Variants in CD300LD observed in about 807,000 individuals in gnomAD.
CD300LD encodes the protein CMRF35-like molecule 5.
Under a neutral mutation model 20.3 loss-of-function variants are expected in CD300LD, and 18 were observed. The observed-to-expected ratio is 0.89, with a 90% CI of 0.61 to 1.32. The LOEUF (loss-of-function observed/expected upper bound fraction) is 1.32. Among genes scored for constraint, CD300LD ranks in the 40% most tolerant of loss-of-function variants. The probability of loss-of-function intolerance (pLI) is 0.00; values close to 1 mark genes in which losing one functional copy is unlikely to be tolerated. For synonymous variants in CD300LD, 104 were observed against 90.1 expected, an observed-to-expected ratio of 1.15 and a Z score of -0.87; for missense variants, 195 against 226.6, an observed-to-expected ratio of 0.86 and a Z score of 0.90.
intron 2 of CD300LD, among the ~76,000 whole-genome samples, chr17:74,587,378 C>T (rs541768213): frequency 6.6e-6 from 1 of 152,174 alleles, no homozygotes; most frequent in Non-Finnish European, 1.5e-5. Context: ...GTTTACGACA[C>T]ATATTCCCTT....
At chr17:74,585,326 C>A (rs1356888616) in intron 2 of CD300LD, among the ~76,000 whole-genome samples, 1 of 152,078 alleles carries the variant, frequency 6.6e-6, no homozygotes. Context: ...TTATCTTCTT[C>A]TTATTCTGCT....
chr17:74,585,446 T>G (rs2030135116), intron 2 of CD300LD, among the ~76,000 whole-genome samples: 1 of 152,188 alleles, frequency 6.6e-6, no homozygotes, highest in Admixed American at 6.5e-5. Flanking sequence ...AACTGGCCTG[T>G]GTCACCCCCT....
At chr17:74,587,744 G>A (rs1405620841) in intron 2 of CD300LD, among the ~76,000 whole-genome samples, 1 of 152,116 alleles carries the variant, frequency 6.6e-6, no homozygotes, top group African/African-American at 2.4e-5. Flanking sequence ...GGCAGGGATT[G>A]GGGTCTCTGG....
chr17:74,583,941 A>G lies in CD300LD; in HGVS notation c.380-1630T>C, dbSNP rs552433973. 1.4e-4 allele frequency among the ~76,000 whole-genome samples: 21 copies of G among 151,626 alleles called. No individual in the cohort carries two copies. The South Asian group carries it at 2.3e-3, about 17-fold the overall frequency. On this transcript the variant is annotated intron_variant, in intron 2 of 3. Coordinates refer to ENST00000375352, the MANE Select transcript of CD300LD (RefSeq NM_001115152.2). ...TAATTTTTTTTTATTTTTAGTAGAGATGGGGTTTTGTCATGTTGGCTAGGC... is the reference window on the plus strand; with the variant it reads ...TAATTTTTTTTTATTTTTAGTAGAGGTGGGGTTTTGTCATGTTGGCTAGGC...
Position 74,588,707 on chromosome 17 carries a change from A to G in CD300LD, c.183T>C (p.Cys61=). ...WRCQGADWNY[C]NILVKTNGSE... is the part of the protein sequence containing the mutation. ...ATCCATTTGTTTTAACAAGGATGTT[A>G]CAGTAATTCCAATCAGCTCCTTGAC... The change falls in exon 2 of 4, where the codon TGT becomes TGC. Residue 61 remains cysteine, a synonymous_variant. Coordinates refer to ENST00000375352, the MANE Select transcript of CD300LD (RefSeq NM_001115152.2). The G allele has an allele frequency of 6.2e-7, 1 of 1,614,196 alleles. No individual in the cohort carries two copies. The highest frequency in any genetic ancestry group is 8.5e-7 in the Non-Finnish European group (1 of 1,180,026).
chr17:74,584,975 G>C (rs7212069), intron 2 of CD300LD: 35,307 of 152,094 alleles, frequency 0.23, 5,251 homozygotes, highest in African/African-American at 0.43. Context: ...CCCTAAAGAG[G>C]TACTGGGATA....
At chr17:74,585,626 C>A (rs1186018271) in intron 2 of CD300LD, among the ~76,000 whole-genome samples, 1 of 152,174 alleles carries the variant, frequency 6.6e-6, no homozygotes, top group Non-Finnish European at 1.5e-5. Context: ...CATGAACACA[C>A]CCCACTACAG....
At chr17:74,588,361 A>G (rs2030217836) in intron 2 of CD300LD, 150 bp downstream of exon 2, 10 of 567,888 alleles carry the variant, frequency 1.8e-5, no homozygotes, top group Non-Finnish European at 3.1e-5. Context: ...TTTTGGAGGG[A>G]CAAATATTCA....
chr17:74,588,547 C>A lies in CD300LD; in HGVS notation c.343G>T (p.Asp115Tyr). The A allele has an allele frequency of 6.2e-7, 1 of 1,613,430 alleles. No individual in the cohort carries two copies. The highest frequency in any genetic ancestry group is 8.5e-7 in the Non-Finnish European group (1 of 1,179,600). The change falls in exon 2 of 4, where the codon GAT becomes TAT. Residue 115 changes from aspartate to tyrosine, a missense_variant. By Grantham distance (160) the Asp-to-Tyr change is radical. Transcript: ENST00000375352. ...GTCACTTGAACTTTGACCCCAAGAT[C>A]AATTCCAGGTCTCTCAGTCCCACAC... Reference protein sequence around the residue: ...YWCGTERPGIDLGVKVQVTIN... With the variant: ...YWCGTERPGIYLGVKVQVTIN...
intron 2 of CD300LD, 25 bp downstream of exon 2, chr17:74,588,486 C>A: frequency 6.7e-7 from 1 of 1,489,212 alleles, no homozygotes; most frequent in South Asian, 1.2e-5. Flanking sequence ...CTGAGAGACA[C>A]ACACGTATAT....
intron 3 of CD300LD, among the ~76,000 whole-genome samples, chr17:74,581,893 G>T (rs962599353): frequency 3.3e-5 from 5 of 152,206 alleles, no homozygotes; most frequent in African/African-American, 1.2e-4. Context: ...GAGGTTTGCA[G>T]TGACTTTACT....
chr17:74,592,032 T>C (rs1030768801), intron 1 of CD300LD, 131 bp downstream of exon 1: 1 of 1,580,458 alleles, frequency 6.3e-7, no homozygotes, highest in Non-Finnish European at 8.6e-7. Context: ...TGCTATTTAA[T>C]GAATATGGGC....
intron 1 of CD300LD, among the ~76,000 whole-genome samples, chr17:74,591,262 A>AATAATAATAAT (rs1555650248): frequency 1.1e-4 from 13 of 114,088 alleles, no homozygotes; most frequent in South Asian, 4.8e-4. Flanking sequence ...AAAAAAAAAA[A>AATAATAATAAT]AATAAAAATA....
chr17:74,588,426 G>T, intron 2 of CD300LD, 85 bp downstream of exon 2: 1 of 836,066 alleles, frequency 1.2e-6, no homozygotes, highest in Non-Finnish European at 2.0e-6. Flanking sequence ...CACTCTGAGT[G>T]ACAGTTAATT....
intron 2 of CD300LD, among the ~76,000 whole-genome samples, chr17:74,583,522 C>A (rs1395755419): frequency 6.6e-6 from 1 of 152,118 alleles, no homozygotes; most frequent in East Asian, 1.9e-4. Flanking sequence ...GTTGTTTACG[C>A]CACCCAGTCT....
chr17:74,581,741 G>A (rs1052801038), intron 3 of CD300LD, among the ~76,000 whole-genome samples: 1 of 152,214 alleles, frequency 6.6e-6, no homozygotes, highest in African/African-American at 2.4e-5. Context: ...AGGTGGGGAG[G>A]GCATGTTCAG....
chr17:74,584,567 G>A lies in CD300LD; in HGVS notation c.380-2256C>T, dbSNP rs573438402. ...TCTATAGGAACATCTGAAGCCTGTT[G>A]TACAAAGAAAGCTATTGTGTGTACC... On this transcript the variant is annotated intron_variant, in intron 2 of 3. Coordinates refer to ENST00000375352, the MANE Select transcript of CD300LD (RefSeq NM_001115152.2). The A allele has an allele frequency of 3.3e-5, 5 of 152,258 alleles. No homozygotes were observed. The South Asian group carries it at 8.3e-4, about 25-fold the overall frequency. 9.4% of individuals were successfully genotyped at this position (152,258 alleles called of 1,614,324 possible). A position where few individuals can be genotyped will look rare whatever the true frequency, so the allele number is the denominator to read the frequency against.
intron 1 of CD300LD, among the ~76,000 whole-genome samples, chr17:74,591,280 T>TAAC (rs1568024880): frequency 6.8e-6 from 1 of 147,282 alleles, no homozygotes; most frequent in African/African-American, 2.5e-5. Flanking sequence ...ATAATAATAA[T>TAAC]AATAATAATA....
chr17:74,588,485 A>T (rs2030221153), intron 2 of CD300LD, 26 bp downstream of exon 2: 2 of 1,477,290 alleles, frequency 1.4e-6, no homozygotes, highest in South Asian at 2.4e-5. Flanking sequence ...CCTGAGAGAC[A>T]CACACGTATA....
Sources: gnomAD v4.1 joint callset for allele counts (sites outside exome capture counted in the v4.1 genomes callset) on GRCh38, gnomAD v4.1.1 for gene constraint, MANE v1.5 for transcripts, NCBI Gene and HGNC (gene_info 2026-07-23, HGNC 2026-07-21) for gene names.